The following CEMIP variants were observed in gnomAD, a reference collection of about 807,000 sequenced individuals.
The protein encoded by CEMIP is cell migration-inducing and hyaluronan-binding protein.
Under a neutral mutation model 156.9 loss-of-function variants are expected in CEMIP, and 105 were observed. That is an observed-to-expected ratio of 0.67 (90% CI 0.57 to 0.79). The LOEUF is 0.79. Among genes scored for constraint, CEMIP ranks in the 30% least tolerant of loss-of-function variants. The pLI, the probability that CEMIP is intolerant of heterozygous loss-of-function variation, is 0.00. For synonymous variants in CEMIP, 676 were observed against 668.4 expected, an observed-to-expected ratio of 1.01 and a Z score of -0.17; for missense variants, 1,457 against 1,769.4, an observed-to-expected ratio of 0.82 and a Z score of 3.17.
rs538658638 is a variant in CEMIP at position 80,932,629 on chromosome 15, C to G, written c.2793+590C>G. Reference sequence around the variant, plus strand: ...CCCAGACTTTTCCCTCCTTCTCCTCCCTGCTCCTGCCTTTTGCCTGTTTGC... The same window carrying G: ...CCCAGACTTTTCCCTCCTTCTCCTCGCTGCTCCTGCCTTTTGCCTGTTTGC... On this transcript the variant is annotated intron_variant, in intron 22 of 29. Transcript: ENST00000394685. The surrounding 1 kb of genome is among the most constrained non-coding windows in gnomAD (Gnocchi z 4.5). 6.6e-6 allele frequency among the ~76,000 whole-genome samples: 1 copy of G among 152,160 alleles called. No individual in the cohort carries two copies. The highest frequency in any genetic ancestry group is 1.5e-5 in the Non-Finnish European group (1 of 68,024).
intron 6 of CEMIP, among the ~76,000 whole-genome samples, chr15:80,883,002 C>A (rs1249957477): frequency 6.6e-6 from 1 of 151,912 alleles, no homozygotes; most frequent in Non-Finnish European, 1.5e-5. Flanking sequence ...GTGGAGGGTG[C>A]GAGGTTAGGT....
rs184480710 is a variant in CEMIP at position 80,800,410 on chromosome 15, C to T, written c.-176+20796C>T. ...ACAGAGTCAATGACTGCTACCTTTG[C>T]GGAATGAATGAATAAAATCATTAAT... is the stretch of plus-strand genomic sequence containing the variant. On this transcript the variant is annotated intron_variant, in intron 1 of 29. Coordinates refer to ENST00000394685, the MANE Select transcript of CEMIP (RefSeq NM_001293298.2). 1.4e-3 allele frequency among the ~76,000 whole-genome samples: 206 copies of T among 152,242 alleles called. 1 individual carries two copies. The highest frequency in any genetic ancestry group is 4.7e-3 in the African/African-American group (197 of 41,520).
At chr15:80,926,143 T>C (rs1900659474) in intron 19 of CEMIP, among the ~76,000 whole-genome samples, 1 of 152,206 alleles carries the variant, frequency 6.6e-6, no homozygotes, top group South Asian at 2.1e-4. Flanking sequence ...CTCAAACATA[T>C]AAATTATGAT....
chr15:80,935,989 C>T (rs1901107160), intron 23 of CEMIP, among the ~76,000 whole-genome samples: 1 of 152,200 alleles, frequency 6.6e-6, no homozygotes, highest in South Asian at 2.1e-4. Flanking sequence ...CCACCCGCCT[C>T]GGCCTCCCAA....
chr15:80,946,259 G>T (rs181550394), intron 28 of CEMIP: 4 of 152,702 alleles, frequency 2.6e-5, no homozygotes, highest in African/African-American at 9.7e-5. Flanking sequence ...AAAGAAGACA[G>T]CAAAAGAAAG....
At chr15:80,900,281 C>T (rs534221017) in intron 12 of CEMIP, among the ~76,000 whole-genome samples, 1 of 152,188 alleles carries the variant, frequency 6.6e-6, no homozygotes, top group East Asian at 1.9e-4. Flanking sequence ...GTTTGACTGC[C>T]TGGGTCAGCT....
intron 14 of CEMIP, among the ~76,000 whole-genome samples, chr15:80,910,042 A>G (rs1470831418): frequency 3.3e-5 from 5 of 152,246 alleles, no homozygotes; most frequent in African/African-American, 1.2e-4. Flanking sequence ...TACACTTTAT[A>G]TCCTCTATAA....
At position 80,921,030 on chromosome 15, in the gene CEMIP, A is replaced by G; in HGVS notation, c.2004-2A>G. 1 of 1,614,106 alleles carries G rather than the reference A, an allele frequency of 6.2e-7. No individual in the cohort carries two copies. The highest frequency in any genetic ancestry group is 8.5e-7 in the Non-Finnish European group (1 of 1,179,914). ...TCTCAGGTATCTCTGCCCTCCCTGCAGTGCTGTGTCCACCTTCTGGATGGC... is the reference window on the plus strand; with the variant it reads ...TCTCAGGTATCTCTGCCCTCCCTGCGGTGCTGTGTCCACCTTCTGGATGGC... On this transcript the variant is annotated splice_acceptor_variant, in intron 15 of 29. Transcript: ENST00000394685. LOFTEE classifies it high-confidence loss of function.
At chr15:80,803,077 A>G (rs560423608) in intron 1 of CEMIP, among the ~76,000 whole-genome samples, 3 of 152,290 alleles carry the variant, frequency 2.0e-5, no homozygotes, top group African/African-American at 4.8e-5. Context: ...ATTATTCTTC[A>G]TTCACGCTTC....
intron 7 of CEMIP, among the ~76,000 whole-genome samples, chr15:80,887,367 AG>A (rs1898880357): frequency 6.6e-6 from 1 of 152,170 alleles, no homozygotes; most frequent in East Asian, 1.9e-4. Flanking sequence ...GACATAATTG[AG>A]CCTGGCGGGT....
At chr15:80,783,483 A>T (rs1895849097) in intron 1 of CEMIP, among the ~76,000 whole-genome samples, 2 of 152,176 alleles carry the variant, frequency 1.3e-5, no homozygotes, top group African/African-American at 4.8e-5. Flanking sequence ...ATAGGAAAGG[A>T]TCACATTCTT....
chr15:80,908,618 G>T (rs769321725), intron 13 of CEMIP, among the ~76,000 whole-genome samples: 1 of 152,102 alleles, frequency 6.6e-6, no homozygotes, highest in Non-Finnish European at 1.5e-5. Context: ...TTCCAGAGTC[G>T]GTGTTCCCTT....
intron 1 of CEMIP, among the ~76,000 whole-genome samples, chr15:80,803,028 A>C (rs889549421): frequency 1.3e-5 from 2 of 152,152 alleles, no homozygotes; most frequent in Admixed American, 6.5e-5. Context: ...CAAGCTCAGG[A>C]TGCCAGCATG....
At chr15:80,845,170 G>A (rs535075742) in intron 1 of CEMIP, among the ~76,000 whole-genome samples, 1 of 152,272 alleles carries the variant, frequency 6.6e-6, no homozygotes, top group African/African-American at 2.4e-5. Flanking sequence ...ATATATTGAG[G>A]CCGGGTGTGA....
intron 1 of CEMIP, among the ~76,000 whole-genome samples, chr15:80,793,878 A>G (rs1896148260): frequency 1.3e-5 from 2 of 152,194 alleles, no homozygotes; most frequent in Non-Finnish European, 2.9e-5. Context: ...AAAAACAAAC[A>G]CCACATGAAA....
intron 14 of CEMIP, among the ~76,000 whole-genome samples, chr15:80,918,041 G>A (rs4778630): frequency 0.92 from 140,281 of 152,178 alleles, 65,703 homozygotes; most frequent in East Asian, 1. Flanking sequence ...TTGGGAGGCC[G>A]AGGCAGAAGG....
rs1371734149 is a variant in CEMIP, at chr15:80,909,282, A to G, written c.1773A>G (p.Thr591=). 1.9e-6 allele frequency: 3 copies of G among 1,614,124 alleles called. No individual in the cohort carries two copies. Among genetic ancestry groups the G allele is most frequent in the Middle Eastern group, 1.6e-4 (1 of 6,062 alleles). Residue 591 remains threonine (T), a synonymous_variant, in exon 14 of 30, where the codon ACA becomes ACG. Coordinates refer to ENST00000394685, the MANE Select transcript of CEMIP (RefSeq NM_001293298.2). The part of the protein sequence containing the change: ...SIHHTFSRCV[T]VHGSNGLLIK... ...ATCATACATTCTCTCGCTGCGTCACAGTCCATGGCTCCAATGGCTTGTTGG... is the reference window on the plus strand; with the variant it reads ...ATCATACATTCTCTCGCTGCGTCACGGTCCATGGCTCCAATGGCTTGTTGG...
chr15:80,889,353 A>G (rs879190516), intron 9 of CEMIP, 118 bp from the exon 10 acceptor site: 15 of 1,428,492 alleles, frequency 1.1e-5, no homozygotes, highest in African/African-American at 1.4e-5. Flanking sequence ...GCCTGGTGCA[A>G]CCATGGACAG....
chr15:80,947,505 C>T (rs1901609747), intron 29 of CEMIP: 1 of 170,024 alleles, frequency 5.9e-6, no homozygotes, highest in Admixed American at 5.7e-5. Context: ...TTATTTGTTC[C>T]AGAAAACTAA....
Sources: gnomAD v4.1 joint callset for allele counts (sites outside exome capture counted in the v4.1 genomes callset) on GRCh38, gnomAD v4.1.1 for gene constraint, Gnocchi (gnomAD v3.1) non-coding constraint, MANE v1.5 for transcripts, NCBI Gene and HGNC (gene_info 2026-07-23, HGNC 2026-07-21) for gene names.